The following COL6A3 variants were observed in gnomAD, a reference collection of about 807,000 sequenced individuals.
The protein encoded by COL6A3 is collagen alpha-3(VI) chain.
A neutral mutation model predicts 274.1 loss-of-function variants in COL6A3; 137 were observed. The ratio of observed to expected loss-of-function variants is 0.50; its 90% CI spans 0.44 to 0.58. The LOEUF is 0.58. Ranked by LOEUF, COL6A3 falls within the 20% of genes least tolerant of loss-of-function variation. The probability of loss-of-function intolerance (pLI) is 0.00; values close to 1 mark genes in which losing one functional copy is unlikely to be tolerated. For synonymous variants in COL6A3, 1,650 were observed against 1,650.6 expected (o/e 1.00, Z 0.01); for missense variants, 3,950 against 4,124.9 (o/e 0.96, Z 1.16).
chr2:237,357,709 A>C (rs1441462288), intron 22 of COL6A3, 108 bp downstream of exon 22: 2 of 1,094,272 alleles, frequency 1.8e-6, no homozygotes, highest in Non-Finnish European at 2.8e-6. Flanking sequence ...GCTACGTTGC[A>C]GTGTTAAAGG....
chr2:237,366,677 T>C lies in COL6A3; in HGVS notation c.5500+10A>G. 6.2e-7 allele frequency: 1 copy of C among 1,614,174 alleles called. No homozygotes were observed. Among genetic ancestry groups the C allele is most frequent in the Non-Finnish European group, 8.5e-7 (1 of 1,180,022 alleles). ...GAAAGGATGGAAAATATGCACATAA[T>C]GGGAGTTACCTTTGGCAGCATCAGT... On this transcript the variant is annotated intron_variant, in intron 11 of 43. Transcript: ENST00000295550.
In COL6A3 at chr2:237,394,789, A is replaced by T; in HGVS notation, c.507T>A (p.Asp169Glu). 3 of 1,614,206 alleles carry T rather than the reference A, an allele frequency of 1.9e-6. No homozygotes were observed. The highest frequency in any genetic ancestry group is 2.2e-5 in the South Asian group (2 of 91,084). The change falls in exon 3 of 44, where the codon GAT becomes GAA. Residue 169 changes from aspartate to glutamate, a missense_variant. Physicochemically the swap from Asp to Glu is conservative, Grantham distance 45. Around this residue, in one of 5 missense-constraint regions of COL6A3, gnomAD observed 1,934 missense variants for 1,984.3 expected, o/e 0.97. Coordinates refer to ENST00000295550, the MANE Select transcript of COL6A3 (RefSeq NM_004369.4). ...CAACTCCAATTGCAAACACGTTAAC[A>T]TCAGCAGACTTAAGTTCCGCTGAGG... The part of the protein sequence containing the change: ...ALPSAELKSA[D>E]VNVFAIGVED...
At chr2:237,348,684 T>C in intron 28 of COL6A3, 21 bp from the exon 29 acceptor site, 1 of 1,613,486 alleles carries the variant, frequency 6.2e-7, no homozygotes. Context: ...GAAAGAGATG[T>C]GACTGTAGGT....
intron 1 of COL6A3, among the ~76,000 whole-genome samples, chr2:237,412,843 C>A (rs1265741689): frequency 6.6e-6 from 1 of 152,078 alleles, no homozygotes; most frequent in Non-Finnish European, 1.5e-5. Flanking sequence ...AGAAGCCAGT[C>A]AGCCGGGGCC....
At chr2:237,329,706 G>A (rs1004407514) in intron 42 of COL6A3, 1 of 152,080 alleles carries the variant, frequency 6.6e-6, no homozygotes, top group African/African-American at 2.4e-5. Context: ...ATACTGTATT[G>A]TATCCAATAT....
At chr2:237,363,197 G>T in intron 14 of COL6A3, 56 bp downstream of exon 14, 2 of 1,557,082 alleles carry the variant, frequency 1.3e-6, no homozygotes, top group Non-Finnish European at 1.8e-6. Flanking sequence ...CTCTTGAAAT[G>T]CCAAAAGGTG....
Position 237,394,720 on chromosome 2 carries a change from C to A in COL6A3, c.576G>T (p.Pro192=), listed in dbSNP as rs141560881. 92 of 1,614,056 alleles carry A rather than the reference C, an allele frequency of 5.7e-5. No homozygotes were observed. The highest frequency in any genetic ancestry group is 7.4e-5 in the Non-Finnish European group (87 of 1,180,034). ...CTAGGTTGAACATATGCATATTGAG[C>A]GGTTCACTTGCTATTTCTTTTAACG... The part of the protein sequence containing the change: ...EGALKEIASE[P]LNMHMFNLEN... Residue 192 remains proline (P), a synonymous_variant, in exon 3 of 44, where the codon CCG becomes CCT. Transcript: ENST00000295550.
intron 5 of COL6A3, 41 bp from the exon 6 acceptor site, chr2:237,379,276 C>A: frequency 1.2e-6 from 2 of 1,613,612 alleles, no homozygotes; most frequent in Non-Finnish European, 1.7e-6. Flanking sequence ...CATACACAAC[C>A]ACGGAGAGTT....
At chr2:237,369,940 C>A (rs2077646038) in intron 9 of COL6A3, among the ~76,000 whole-genome samples, 1 of 151,140 alleles carries the variant, frequency 6.6e-6, no homozygotes, top group African/African-American at 2.4e-5. Context: ...CAGGCTCAAG[C>A]AATCCTCCCT....
At position 237,394,571 on chromosome 2, in the gene COL6A3, G is replaced by A. The variant is rs368278459; in HGVS notation, c.709+16C>T. 26 of 1,613,510 alleles carry A rather than the reference G, an allele frequency of 1.6e-5. No homozygotes were observed. Among genetic ancestry groups the A allele is most frequent in the African/African-American group, 2.7e-5 (2 of 74,924 alleles). ...GAACAGCAGGGCAGGGCGTAGCTTG[G>A]TGGCGTTGCCATTACCTGTGATGTC... On this transcript the variant is annotated intron_variant, in intron 3 of 43. Coordinates refer to ENST00000295550, the MANE Select transcript of COL6A3 (RefSeq NM_004369.4).
intron 7 of COL6A3, among the ~76,000 whole-genome samples, chr2:237,376,092 A>G (rs2106363169): frequency 2.0e-5 from 3 of 152,284 alleles, no homozygotes; most frequent in Middle Eastern, 6.8e-3. Context: ...AAGTGGGTTA[A>G]TGGGAGGAAA....
intron 42 of COL6A3, among the ~76,000 whole-genome samples, chr2:237,332,068 T>TACAC (rs1455455667): frequency 2.0e-5 from 1 of 51,156 alleles, no homozygotes; most frequent in Admixed American, 2.5e-4. Context: ...TCTCTCTCTC[T>TACAC]ACATATATAT....
intron 24 of COL6A3, among the ~76,000 whole-genome samples, chr2:237,354,217 CA>C (rs2077267839): frequency 6.6e-6 from 1 of 151,998 alleles, no homozygotes. Context: ...GGGGTTTCTC[CA>C]TATTGGTCAG....
At chr2:237,410,300 CTTTTT>C (rs552676030) in intron 1 of COL6A3, among the ~76,000 whole-genome samples, 10 of 126,214 alleles carry the variant, frequency 7.9e-5, no homozygotes, top group Non-Finnish European at 5.0e-5. Flanking sequence ...AATTTCTTTT[CTTTTT>C]TTTTTTTTTT....
At chr2:237,412,902 G>A (rs2078891536) in intron 1 of COL6A3, among the ~76,000 whole-genome samples, 3 of 152,132 alleles carry the variant, frequency 2.0e-5, no homozygotes, top group South Asian at 4.1e-4. Context: ...GTGCTCAGAG[G>A]GGTTTGCTCC....
intron 6 of COL6A3, among the ~76,000 whole-genome samples, chr2:237,377,685 T>C (rs1331871546): frequency 4.6e-5 from 7 of 151,864 alleles, no homozygotes; most frequent in Non-Finnish European, 1.0e-4. Flanking sequence ...CTGTTACAAA[T>C]AAAAGTATTG....
At position 237,378,809 on chromosome 2, in the gene COL6A3, C is replaced by T. The variant is rs756337970; in HGVS notation, c.2324G>A (p.Cys775Tyr). 23 of 1,614,106 alleles carry T rather than the reference C, an allele frequency of 1.4e-5. No individual in the cohort carries two copies. The highest frequency in any genetic ancestry group is 3.3e-5 in the Admixed American group (2 of 60,010). Residue 775 changes from cysteine to tyrosine, a missense_variant, in exon 6 of 44, where the codon TGT becomes TAT. Coordinates refer to ENST00000295550, the MANE Select transcript of COL6A3 (RefSeq NM_004369.4). ...CTTATTCGCCTGGCTAGCTCCCACA[C>T]AAAAAGTCAGGATGCCCGCGCGTGT... ...ALTRAGILTF[C>Y]VGASQANKAE...
chr2:237,387,523 T>C, intron 4 of COL6A3, 59 bp downstream of exon 4: 2 of 1,612,444 alleles, frequency 1.2e-6, no homozygotes, highest in South Asian at 1.1e-5. Context: ...CTTACGTCTA[T>C]GTAAACCAAC....
intron 42 of COL6A3, chr2:237,329,037 C>T (rs138553722): frequency 6.6e-6 from 1 of 152,194 alleles, no homozygotes; most frequent in Non-Finnish European, 1.5e-5. Flanking sequence ...AGGAAACTTA[C>T]CAAATTTTTA....
Sources: gnomAD v4.1 joint callset for allele counts (sites outside exome capture counted in the v4.1 genomes callset) on GRCh38, gnomAD v4.1.1 for gene constraint, gnomAD v4.1.1 regional missense constraint, MANE v1.5 for transcripts, NCBI Gene and HGNC (gene_info 2026-07-23, HGNC 2026-07-21) for gene names.